The following SASH1 variants were observed in gnomAD, a reference collection of about 807,000 sequenced individuals.
SASH1 encodes SAM and SH3 domain containing 1, also known as SAM and SH3 domain-containing protein 1.
SASH1 carries 44 observed loss-of-function variants against 125.2 expected under a neutral mutation model. That is an observed-to-expected ratio of 0.35 (90% confidence interval 0.28 to 0.45). The LOEUF (loss-of-function observed/expected upper bound fraction) is 0.45, where lower values mean the gene tolerates loss of function less well. SASH1 is among the 20% of genes least tolerant of loss of function. SASH1 has a pLI of 1.00. For missense variants in SASH1, 1,426 were observed against 1,614.5 expected (o/e 0.88, Z 2.00); for synonymous variants, 639 against 649.1 (o/e 0.98, Z 0.24).
chr6:148,298,901 AAAGG>A (rs978692085), intron 1 of SASH1, among the ~76,000 whole-genome samples: 30 of 149,230 alleles, frequency 2.0e-4, no homozygotes, highest in East Asian at 4.0e-4. Context: ...GGGAAGGAAG[AAAGG>A]AAGGAAGGAA....
At chr6:148,425,694 CTCCCCTTCTCCCCTCCCA>C (rs1274891691) in intron 2 of SASH1, among the ~76,000 whole-genome samples, 2 of 129,834 alleles carry the variant, frequency 1.5e-5, no homozygotes, top group East Asian at 2.3e-4. Flanking sequence ...CTCCCCTCCC[CTCCCCTTCTCCCCTCCCA>C]TCCCCCTCTC....
chr6:148,343,273 C>G, intron 1 of SASH1, 50 bp downstream of exon 1: 1 of 1,517,264 alleles, frequency 6.6e-7, no homozygotes, highest in Non-Finnish European at 8.9e-7. Context: ...TCGCAGCAGC[C>G]CCTCTGAAAC....
the SASH1 span, among the ~76,000 whole-genome samples, chr6:148,234,880 G>A: frequency 1.3e-5 from 2 of 151,604 alleles, no homozygotes; most frequent in African/African-American, 4.8e-5. Flanking sequence ...AGGCCAAGAA[G>A]CTGGAGAACC....
At chr6:148,258,039 T>G in the SASH1 span, among the ~76,000 whole-genome samples, 223 of 152,304 alleles carry the variant, frequency 1.5e-3, 1 homozygote, top group Non-Finnish European at 2.7e-3. Flanking sequence ...CACATAAAAA[T>G]GTTCCATGTT....
the SASH1 span, among the ~76,000 whole-genome samples, chr6:148,194,498 G>C: frequency 6.6e-6 from 1 of 152,214 alleles, no homozygotes; most frequent in Non-Finnish European, 1.5e-5. Context: ...GCAACGATGT[G>C]ACTCATCTGT....
In SASH1 at chr6:148,548,896, G is replaced by C. The variant is rs1485608468; in HGVS notation, c.*338G>C. 2 of 218,186 alleles carry C rather than the reference G, an allele frequency of 9.2e-6. No homozygotes were observed. The highest frequency in any genetic ancestry group is 2.3e-5 in the African/African-American group (1 of 43,846). The allele number at this position is 218,186 out of a possible 1,614,324, so 13.5% of individuals were successfully genotyped here. ...TACTGGTAGAGGCTGGGAGGAGTAG[G>C]GGGCAGCCTGTTCCATTTCTGATAG... On this transcript the variant is annotated 3_prime_UTR_variant, in exon 20 of 20. Coordinates refer to ENST00000367467, the MANE Select transcript of SASH1 (RefSeq NM_015278.5).
At chr6:148,528,242 A>G (rs1042260006) in intron 12 of SASH1, among the ~76,000 whole-genome samples, 15 of 152,204 alleles carry the variant, frequency 9.9e-5, no homozygotes, top group African/African-American at 3.6e-4. Flanking sequence ...GCATGGGTGG[A>G]GGGAGTAAAG....
chr6:148,209,054 G>GC, the SASH1 span, among the ~76,000 whole-genome samples: 1 of 152,088 alleles, frequency 6.6e-6, no homozygotes, highest in African/African-American at 2.4e-5. Context: ...AGTAGCTTTC[G>GC]CCCCAAAGCA....
chr6:148,245,272 G>C, the SASH1 span, among the ~76,000 whole-genome samples: 1 of 152,198 alleles, frequency 6.6e-6, no homozygotes, highest in Non-Finnish European at 1.5e-5. Context: ...AGGAAGAGCA[G>C]ATAACACCAG....
At chr6:148,287,219 G>A (rs890174844) in intron 1 of SASH1, among the ~76,000 whole-genome samples, 3 of 152,204 alleles carry the variant, frequency 2.0e-5, no homozygotes, top group African/African-American at 7.2e-5. Context: ...GATCAGTAGG[G>A]CAATTATGGG....
the SASH1 span, among the ~76,000 whole-genome samples, chr6:148,241,503 T>G: frequency 6.6e-6 from 1 of 152,196 alleles, no homozygotes; most frequent in East Asian, 1.9e-4. Flanking sequence ...AAACTTGAGA[T>G]TTATAGACCC....
chr6:148,244,483 G>T, the SASH1 span, among the ~76,000 whole-genome samples: 7 of 152,290 alleles, frequency 4.6e-5, no homozygotes, highest in South Asian at 1.5e-3. Flanking sequence ...ATTATAAAGG[G>T]TTATTATGAT....
intron 1 of SASH1, among the ~76,000 whole-genome samples, chr6:148,321,190 A>C (rs955485455): frequency 6.6e-6 from 1 of 152,062 alleles, no homozygotes; most frequent in African/African-American, 2.4e-5. Context: ...TCAGGAGTTC[A>C]AGACCAGCCT....
intron 8 of SASH1, among the ~76,000 whole-genome samples, chr6:148,490,199 T>C (rs62432328): frequency 0.24 from 36,519 of 151,548 alleles, 5,016 homozygotes; most frequent in Middle Eastern, 0.35. Flanking sequence ...GAATGAAGGC[T>C]CCAGAATTTC....
At chr6:148,194,855 G>A in the SASH1 span, among the ~76,000 whole-genome samples, 2 of 152,214 alleles carry the variant, frequency 1.3e-5, no homozygotes, top group Non-Finnish European at 2.9e-5. Flanking sequence ...GCAGTGAGCC[G>A]AGATCGCGCC....
At chr6:148,535,714 A>G (rs1356418037) in intron 16 of SASH1, among the ~76,000 whole-genome samples, 6 of 152,260 alleles carry the variant, frequency 3.9e-5, no homozygotes, top group Non-Finnish European at 8.8e-5. Flanking sequence ...CTTGCTCTGT[A>G]TTATTCAATC....
In SASH1 at chr6:148,532,730, A is replaced by G. The variant is rs527300661; in HGVS notation, c.1565-67A>G. Reference sequence around the variant, plus strand: ...CATTTCCTAATCTGCCATACCTTCAATACCTTTCTGCTTTGCTGGGTGGGA... The same window carrying G: ...CATTTCCTAATCTGCCATACCTTCAGTACCTTTCTGCTTTGCTGGGTGGGA... On this transcript the variant is annotated intron_variant, in intron 13 of 19. Transcript: ENST00000367467. This position sits in a 1 kb window ranked among gnomAD's most constrained non-coding sequence, Gnocchi z 4.7. The G allele has an allele frequency of 3.2e-6, 5 of 1,572,788 alleles. No homozygotes were observed. The highest frequency in any genetic ancestry group is 1.3e-5 in the African/African-American group (1 of 74,428).
upstream of SASH1, among the ~76,000 whole-genome samples, chr6:148,341,105 C>A (rs553315950): frequency 2.6e-5 from 4 of 152,158 alleles, no homozygotes; most frequent in African/African-American, 9.6e-5. Flanking sequence ...ACTGCACTGC[C>A]GGGGTGAGAG....
At chr6:148,326,386 T>TACA (rs1780826472) in intron 1 of SASH1, among the ~76,000 whole-genome samples, 2 of 63,194 alleles carry the variant, frequency 3.2e-5, no homozygotes, top group South Asian at 7.6e-4. Flanking sequence ...ATTCTTTTCT[T>TACA]TTCTTTTCTT....
Sources: gnomAD v4.1 joint callset for allele counts (sites outside exome capture counted in the v4.1 genomes callset) on GRCh38, gnomAD v4.1.1 for gene constraint, Gnocchi (gnomAD v3.1) non-coding constraint, MANE v1.5 for transcripts, NCBI Gene and HGNC (gene_info 2026-07-23, HGNC 2026-07-21) for gene names.